Variants in CYB5B observed in about 807,000 individuals in gnomAD.
CYB5B encodes the protein cytochrome b5 type B (outer mitochondrial membrane).
Under a neutral mutation model 21.3 loss-of-function variants are expected in CYB5B, and 14 were observed. The observed-to-expected ratio is 0.66, with a 90% CI of 0.43 to 1.03. The LOEUF is 1.03. CYB5B is among the 50% of genes least tolerant of loss of function. The pLI is 0.00. For synonymous variants in CYB5B, 69 were observed against 68.4 expected (o/e 1.01, Z -0.04); for missense variants, 166 against 185.1 (o/e 0.90, Z 0.60).
At chr16:69,434,939 T>C (rs246147) in intron 1 of CYB5B, among the ~76,000 whole-genome samples, 58,461 of 151,474 alleles carry the variant, frequency 0.39, 12,500 homozygotes, top group Admixed American at 0.48. Context: ...ATTTTCCTGA[T>C]GACTAATGAT....
intron 2 of CYB5B, 106 bp from the exon 3 acceptor site, chr16:69,448,009 A>G (rs2014894627): frequency 8.6e-7 from 1 of 1,167,688 alleles, no homozygotes; most frequent in East Asian, 2.4e-5. Context: ...CAGGGAATTC[A>G]CTATCACCAG....
chr16:69,445,007 T>G (rs1291386107), intron 1 of CYB5B, among the ~76,000 whole-genome samples: 3 of 152,248 alleles, frequency 2.0e-5, no homozygotes, highest in Non-Finnish European at 4.4e-5. Context: ...TGAAAGTACT[T>G]GTAGAAAGAA....
chr16:69,465,639 A>C lies in CYB5B; in HGVS notation c.*3119A>C, dbSNP rs1054695011. The C allele has an allele frequency of 2.0e-5, 3 of 152,214 alleles. No homozygotes were observed. Among genetic ancestry groups the C allele is most frequent in the African/African-American group, 4.8e-5 (2 of 41,462 alleles). The allele number at this position is 152,214 out of a possible 1,614,324, so 9.4% of individuals were successfully genotyped here. On this transcript the variant is annotated 3_prime_UTR_variant, in exon 5 of 5. Transcript: ENST00000307892. ...AATGTGGGACAATGAAAAATGCTTT[A>C]CAGGCCTGGAGTATCATTACTTATG...
intron 3 of CYB5B, among the ~76,000 whole-genome samples, chr16:69,458,150 C>A (rs185501958): frequency 4.7e-4 from 72 of 152,252 alleles, no homozygotes; most frequent in Non-Finnish European, 1.6e-4. Context: ...TATCGTGATA[C>A]AATTCACATA....
chr16:69,446,098 A>G (rs1028113384), intron 1 of CYB5B, among the ~76,000 whole-genome samples: 1 of 152,182 alleles, frequency 6.6e-6, no homozygotes, highest in African/African-American at 2.4e-5. Context: ...TCATTTAAAA[A>G]TTGTAGATGG....
chr16:69,444,205 G>T, intron 1 of CYB5B: 1 of 158,108 alleles, frequency 6.3e-6, no homozygotes. Context: ...AACATGTAGT[G>T]GCAGATCATA....
In CYB5B at chr16:69,465,314, C is replaced by T. The variant is rs1191956907; in HGVS notation, c.*2794C>T. ...AATAGAGGGTGTTGGTACCACTGCC[C>T]CTGGCCTGAGAGCCAGGGTTTAAAC... On this transcript the variant is annotated 3_prime_UTR_variant, in exon 5 of 5. Transcript: ENST00000307892. 6.6e-6 allele frequency: 1 copy of T among 152,166 alleles called. No individual in the cohort carries two copies. The highest frequency in any genetic ancestry group is 2.4e-5 in the African/African-American group (1 of 41,402). 9.4% of individuals were successfully genotyped at this position (152,166 alleles called of 1,614,324 possible).
At chr16:69,442,037 T>C (rs2014828352) in intron 1 of CYB5B, among the ~76,000 whole-genome samples, 1 of 152,210 alleles carries the variant, frequency 6.6e-6, no homozygotes, top group Non-Finnish European at 1.5e-5. Context: ...GAGATTCATT[T>C]TGCTTATCTA....
intron 1 of CYB5B, among the ~76,000 whole-genome samples, chr16:69,433,040 C>T (rs557264646): frequency 7.2e-5 from 11 of 152,216 alleles, no homozygotes; most frequent in East Asian, 1.9e-4. Context: ...TCAGGTGATC[C>T]GCCTGCCTCA....
At chr16:69,429,279 G>A (rs950734451) in intron 1 of CYB5B, among the ~76,000 whole-genome samples, 2 of 152,186 alleles carry the variant, frequency 1.3e-5, no homozygotes, top group Non-Finnish European at 2.9e-5. Flanking sequence ...TTTCCACAGT[G>A]TGGAAAGGGA....
At chr16:69,435,786 C>T (rs576445125) in intron 1 of CYB5B, among the ~76,000 whole-genome samples, 7 of 152,018 alleles carry the variant, frequency 4.6e-5, no homozygotes, top group South Asian at 2.1e-4. Flanking sequence ...TACAGGTACC[C>T]GCCACCACAC....
chr16:69,452,026 T>C (rs1298298196), intron 3 of CYB5B, among the ~76,000 whole-genome samples: 1 of 147,224 alleles, frequency 6.8e-6, no homozygotes, highest in Non-Finnish European at 1.5e-5. Context: ...CCAGCCATCA[T>C]TTTTTTGTTG....
At chr16:69,447,538 G>A (rs765197231) in intron 2 of CYB5B, among the ~76,000 whole-genome samples, 1 of 151,804 alleles carries the variant, frequency 6.6e-6, no homozygotes, top group Non-Finnish European at 1.5e-5. Flanking sequence ...AGCTCCTCAG[G>A]AGGCTGAGGC....
At chr16:69,425,031 A>G (rs1597277254) in intron 1 of CYB5B, among the ~76,000 whole-genome samples, 174 bp downstream of exon 1, 1 of 152,320 alleles carries the variant, frequency 6.6e-6, no homozygotes, top group African/African-American at 2.4e-5. Flanking sequence ...TTTAGTTTGC[A>G]TGCATTTCCA....
At chr16:69,460,117 G>A (rs910519203) in intron 4 of CYB5B, among the ~76,000 whole-genome samples, 1 of 151,906 alleles carries the variant, frequency 6.6e-6, no homozygotes, top group Non-Finnish European at 1.5e-5. Context: ...GCATGGTGGT[G>A]CGAGCTTTGG....
At chr16:69,428,582 G>A (rs1287887710) in intron 1 of CYB5B, among the ~76,000 whole-genome samples, 1 of 152,086 alleles carries the variant, frequency 6.6e-6, no homozygotes, top group Non-Finnish European at 1.5e-5. Flanking sequence ...CTTGAACCCA[G>A]AAGTTGGAGG....
chr16:69,428,888 G>T (rs2014676021), intron 1 of CYB5B, among the ~76,000 whole-genome samples: 1 of 152,170 alleles, frequency 6.6e-6, no homozygotes, highest in South Asian at 2.1e-4. Flanking sequence ...AGGATGTCTG[G>T]TATGTTTGAG....
intron 1 of CYB5B, among the ~76,000 whole-genome samples, chr16:69,438,343 A>G (rs755176255): frequency 6.6e-6 from 1 of 152,194 alleles, no homozygotes; most frequent in East Asian, 1.9e-4. Context: ...GTTGTGGACA[A>G]TGCTGCAGTG....
chr16:69,430,673 CTTT>C (rs35661961), intron 1 of CYB5B, among the ~76,000 whole-genome samples: 21 of 127,584 alleles, frequency 1.6e-4, no homozygotes, highest in Admixed American at 2.4e-4. Context: ...TATTTTAAAA[CTTT>C]TTTTTTTTTT....
Sources: allele counts gnomAD v4.1 joint callset (sites outside exome capture counted in the v4.1 genomes callset), GRCh38; gene constraint gnomAD v4.1.1; transcripts MANE v1.5; gene names NCBI Gene and HGNC (gene_info 2026-07-23, HGNC 2026-07-21).